The following ANO4 variants were observed in gnomAD, a reference collection of about 807,000 sequenced individuals.
ANO4 encodes the protein anoctamin-4.
In ANO4, 69 loss-of-function variants were observed where a neutral mutation model predicts 141.9. That is an observed-to-expected ratio of 0.49 (90% CI 0.40 to 0.59). The LOEUF (loss-of-function observed/expected upper bound fraction) is 0.59. Ranked by LOEUF, ANO4 falls within the 20% of genes least tolerant of loss-of-function variation. The pLI is 0.00. For missense variants in ANO4, 894 were observed against 1,162.2 expected (o/e 0.77, Z 3.36); for synonymous variants, 350 against 394.3 (o/e 0.89, Z 1.33).
Position 100,819,249 on chromosome 12 carries a change from G to C in ANO4, c.-141+24222G>C, listed in dbSNP as rs1324096024. ...TTTTTCTAATTCAGCATTCCCAAAT[G>C]TAAGTTAAATATAACTGTAGAAAAC... On this transcript the variant is annotated intron_variant, in intron 1 of 27. Transcript: ENST00000392977. 1.3e-5 allele frequency among the ~76,000 whole-genome samples: 2 copies of C among 151,656 alleles called. 1 individual carries two copies. Among genetic ancestry groups the C allele is most frequent in the African/African-American group, 4.8e-5 (2 of 41,326 alleles).
chr12:100,792,423 A>G (rs2034077362), upstream of ANO4, among the ~76,000 whole-genome samples: 1 of 152,166 alleles, frequency 6.6e-6, no homozygotes, highest in South Asian at 2.1e-4. Flanking sequence ...AACCTATTAT[A>G]TGTTAAGTAC....
intron 3 of ANO4, among the ~76,000 whole-genome samples, chr12:100,770,175 C>G (rs1285371636): frequency 6.6e-6 from 1 of 152,186 alleles, no homozygotes; most frequent in African/African-American, 2.4e-5. Flanking sequence ...ATGTTTTAGC[C>G]AGTGTCAGTG....
At chr12:100,831,169 G>A (rs973773009) in intron 1 of ANO4, among the ~76,000 whole-genome samples, 5 of 152,086 alleles carry the variant, frequency 3.3e-5, no homozygotes, top group African/African-American at 7.2e-5. Flanking sequence ...AGGCTGTACT[G>A]GATGACTTTT....
chr12:101,090,000 C>T (rs2049688566), intron 17 of ANO4, among the ~76,000 whole-genome samples: 1 of 152,190 alleles, frequency 6.6e-6, no homozygotes, highest in Non-Finnish European at 1.5e-5. Context: ...TGAAAAAATG[C>T]TCACCATCAC....
chr12:100,917,263 G>A (rs2041386479), intron 2 of ANO4, among the ~76,000 whole-genome samples: 1 of 151,854 alleles, frequency 6.6e-6, no homozygotes, highest in Non-Finnish European at 1.5e-5. Context: ...TATTTGTTTA[G>A]TTTCCTTAGG....
At position 101,080,879 on chromosome 12, in the gene ANO4, TA is replaced by T. The variant is rs1336691273; in HGVS notation, c.1395+1605del. Among the ~76,000 whole-genome samples, 224 of 93,590 alleles carry T rather than the reference TA, an allele frequency of 2.4e-3. 1 individual carries two copies. Among genetic ancestry groups the T allele is most frequent in the Middle Eastern group, 5.2e-3 (1 of 192 alleles). The allele number at this position is 93,590 out of a possible 152,430, so 61.4% of individuals were successfully genotyped here. On this transcript the variant is annotated intron_variant, in intron 15 of 27. Coordinates refer to ENST00000392977, the MANE Select transcript of ANO4 (RefSeq NM_001286615.2). ...TCTAGGTTCTAGATATATATATATA[TA>T]TATTATATATATATATATATACATA...
Position 101,002,019 on chromosome 12 carries a change from C to T in ANO4, c.734+14349C>T, listed in dbSNP as rs114028722. ...ACCACTGTGTGTTGACCAACCTTGA[C>T]GCTCCCATCTTCCTCGCTGCCCACC... On this transcript the variant is annotated intron_variant, in intron 8 of 27. Transcript: ENST00000392977. Among the ~76,000 whole-genome samples, 318 of 152,250 alleles carry T rather than the reference C, an allele frequency of 2.1e-3. 2 individuals are homozygous for T. Among genetic ancestry groups the T allele is most frequent in the African/African-American group, 7.0e-3 (292 of 41,518 alleles).
intron 22 of ANO4, among the ~76,000 whole-genome samples, chr12:101,109,146 G>A (rs933072052): frequency 6.6e-6 from 1 of 152,112 alleles, no homozygotes. Context: ...TTGGGTTGGG[G>A]TTATTCATTT....
At chr12:101,043,020 A>G (rs1205664319) in intron 12 of ANO4, among the ~76,000 whole-genome samples, 5 of 152,214 alleles carry the variant, frequency 3.3e-5, no homozygotes, top group Admixed American at 1.3e-4. Context: ...CAAAAATAAA[A>G]GTGAGTGATT....
At chr12:100,833,765 A>C (rs897773890) in intron 1 of ANO4, among the ~76,000 whole-genome samples, 3 of 152,008 alleles carry the variant, frequency 2.0e-5, no homozygotes, top group Non-Finnish European at 4.4e-5. Context: ...CTTGTCTCAG[A>C]GCCTCATCCT....
chr12:101,067,095 A>C, intron 14 of ANO4: 1 of 397,084 alleles, frequency 2.5e-6, no homozygotes, highest in East Asian at 4.7e-5. Flanking sequence ...CTTGCTATTC[A>C]TTTAGTTTAA....
chr12:100,759,854 A>G (rs2032780245), intron 3 of ANO4, among the ~76,000 whole-genome samples: 1 of 152,132 alleles, frequency 6.6e-6, no homozygotes, highest in African/African-American at 2.4e-5. Context: ...TCTTCCCCCC[A>G]TATAAAGACT....
intron 2 of ANO4, among the ~76,000 whole-genome samples, chr12:100,902,202 C>G (rs1270705427): frequency 6.6e-6 from 1 of 152,084 alleles, no homozygotes; most frequent in Non-Finnish European, 1.5e-5. Context: ...GAAAAAAATT[C>G]AAGCCAAAAA....
chr12:100,743,622 T>A (rs2031969902), intron 3 of ANO4, among the ~76,000 whole-genome samples: 1 of 152,052 alleles, frequency 6.6e-6, no homozygotes, highest in Non-Finnish European at 1.5e-5. Context: ...AAATAAGGCA[T>A]GAAAGGTATT....
chr12:100,784,958 T>G (rs759588815), intron 3 of ANO4, among the ~76,000 whole-genome samples: 4 of 152,044 alleles, frequency 2.6e-5, no homozygotes, highest in Non-Finnish European at 5.9e-5. Context: ...TTTCTTCTTC[T>G]ATTCTCTCTC....
intron 1 of ANO4, among the ~76,000 whole-genome samples, chr12:100,816,259 A>G (rs1322040882): frequency 2.6e-5 from 4 of 152,050 alleles, no homozygotes; most frequent in Non-Finnish European, 5.9e-5. Flanking sequence ...TGAGTAATAT[A>G]TAATTACAAA....
intron 5 of ANO4, among the ~76,000 whole-genome samples, chr12:100,967,945 T>G (rs56000325): frequency 1.3e-5 from 2 of 152,320 alleles, no homozygotes; most frequent in Non-Finnish European, 2.9e-5. Context: ...CTGTCTGGGG[T>G]AAACATTCAG....
intron 4 of ANO4, among the ~76,000 whole-genome samples, chr12:100,940,168 A>G (rs1160098021): frequency 6.6e-6 from 1 of 151,076 alleles, no homozygotes; most frequent in African/African-American, 2.4e-5. Context: ...CACAAACACC[A>G]TATGCAGCTA....
At chr12:101,009,967 T>G (rs1382355021) in intron 8 of ANO4, among the ~76,000 whole-genome samples, 2 of 152,134 alleles carry the variant, frequency 1.3e-5, no homozygotes, top group Non-Finnish European at 2.9e-5. Context: ...CCCCACTTCT[T>G]TAGGTCACTG....
Sources: allele counts gnomAD v4.1 joint callset (sites outside exome capture counted in the v4.1 genomes callset), GRCh38; gene constraint gnomAD v4.1.1; transcripts MANE v1.5; gene names NCBI Gene and HGNC (gene_info 2026-07-23, HGNC 2026-07-21).